ZNF211: variants seen among roughly 807,000 people sequenced by gnomAD.
The protein encoded by ZNF211 is zinc finger protein 211.
Under a neutral mutation model 12.1 loss-of-function variants are expected in ZNF211, and 18 were observed. The observed-to-expected ratio is 1.48, with a 90% confidence interval of 1.03 to 2.20. The LOEUF is 2.20. Among genes scored for constraint, ZNF211 ranks in the 30% most tolerant of loss-of-function variants. ZNF211 has a pLI of 0.00. For missense variants in ZNF211, 677 were observed against 703.1 expected (o/e 0.96, Z 0.42); for synonymous variants, 249 against 246.0 (o/e 1.01, Z -0.11).
In ZNF211 at chr19:57,642,081, C is replaced by T. The variant is rs149154202; in HGVS notation, c.1634C>T (p.Thr545Met). The change falls in exon 4 of 4, where the codon ACG (threonine) becomes ATG (methionine). Residue 545 changes from threonine to methionine, a missense_variant. By Grantham distance (81) the Thr-to-Met change is moderately conservative. Coordinates refer to ENST00000240731, the MANE Select transcript of ZNF211 (RefSeq NM_006385.5). ...SSLIQHRRVH[T>M]GKRPYQCSQC... ...CTCATTCAACACCGCAGAGTTCACA[C>T]GGGAAAAAGGCCTTATCAGTGCAGT... is the stretch of plus-strand genomic sequence containing the variant. 933 of 1,614,102 alleles carry T rather than the reference C, an allele frequency of 5.8e-4. No homozygotes were observed. Among genetic ancestry groups the T allele is most frequent in the Non-Finnish European group, 7.6e-4 (891 of 1,179,960 alleles).
In ZNF211 at chr19:57,641,557, G is replaced by A. The variant is rs1418686100; in HGVS notation, c.1110G>A (p.Met370Ile). 4 of 1,613,468 alleles carry A rather than the reference G, an allele frequency of 2.5e-6. No individual in the cohort carries two copies. The South Asian group carries it at 3.3e-5, about 13-fold the overall frequency. Residue 370 changes from methionine to isoleucine, a missense_variant, in exon 4 of 4, where the codon ATG becomes ATA. Coordinates refer to ENST00000240731, the MANE Select transcript of ZNF211 (RefSeq NM_006385.5). ...CTTTTAGCCAAAGGTCCAACCTCATGCAGCATCGCAGAGTTCACACTGGAG... is the reference window on the plus strand; with the variant it reads ...CTTTTAGCCAAAGGTCCAACCTCATACAGCATCGCAGAGTTCACACTGGAG... Reference protein sequence around the residue: ...GKSFSQRSNLMQHRRVHTGER... With the variant: ...GKSFSQRSNLIQHRRVHTGER...
Position 57,641,119 on chromosome 19 carries a change from G to C in ZNF211, c.672G>C (p.Lys224Asn). 6.2e-7 allele frequency: 1 copy of C among 1,614,192 alleles called. No homozygotes were observed. The highest frequency in any genetic ancestry group is 8.5e-7 in the Non-Finnish European group (1 of 1,180,032). ...LHQDATQTGE[K>N]PNNSNKCAVA... is the part of the protein sequence containing the mutation. ...AAGACGCCACTCAAACAGGGGAGAA[G>C]CCAAATAACAGTAACAAGTGTGCGG... Residue 224 changes from lysine (K) to asparagine (N), a missense_variant, in exon 4 of 4, where the codon AAG (lysine) becomes AAC (asparagine). Physicochemically the swap from Lys to Asn is moderately conservative, Grantham distance 94. Transcript: ENST00000240731.
In ZNF211 at chr19:57,641,199, T is replaced by A. The variant is rs142937348; in HGVS notation, c.752T>A (p.Phe251Tyr). 56 of 1,614,028 alleles carry A rather than the reference T, an allele frequency of 3.5e-5. No homozygotes were observed. The highest frequency in any genetic ancestry group is 4.7e-5 in the Non-Finnish European group (56 of 1,180,018). Residue 251 changes from phenylalanine to tyrosine, a missense_variant, in exon 4 of 4, where the codon TTT becomes TAT. By Grantham distance (22) the Phe-to-Tyr change is conservative. Transcript: ENST00000240731. ...AACTGGGGAAAATGCAGTAAAGCCT[T>A]TAGCCACATAGACACACTTGTTCAG... ...HHNWGKCSKA[F>Y]SHIDTLVQDQ...
chr19:57,639,390 TGTCA>T (rs1272962103), intron 3 of ZNF211, among the ~76,000 whole-genome samples: 1 of 132,062 alleles, frequency 7.6e-6, no homozygotes, highest in Non-Finnish European at 1.6e-5. Flanking sequence ...AAACTTCCCT[TGTCA>T]TTTCCTTTAT....
At chr19:57,634,604 GT>G in intron 2 of ZNF211, 24 bp from the exon 3 acceptor site, 1 of 1,528,394 alleles carries the variant, frequency 6.5e-7, no homozygotes. Flanking sequence ...ACTGTTCATG[GT>G]TTCATCAATC....
At chr19:57,639,355 CTTT>C (rs541121788) in intron 3 of ZNF211, among the ~76,000 whole-genome samples, 2 of 34,806 alleles carry the variant, frequency 5.7e-5, no homozygotes, top group African/African-American at 1.2e-4. Flanking sequence ...GTTTGGCTCA[CTTT>C]TTTTTTTTTT....
Position 57,641,742 on chromosome 19 carries a change from AC to A in ZNF211, c.1296del (p.His432GlnfsTer82). 5 of 1,614,184 alleles carry A rather than the reference AC, an allele frequency of 3.1e-6. No individual in the cohort carries two copies. The highest frequency in any genetic ancestry group is 4.2e-6 in the Non-Finnish European group (5 of 1,180,032). The stretch of plus-strand genomic sequence containing the variant: ...AGCCTCATTCACCACCGGAGACTTC[AC>A]ACTGGAGAAAGACCCTATGAGTGCA... The part of the protein sequence containing the change: ...SSSLIHHRRL[H>X]TGERPYECSK... On this transcript the variant is annotated frameshift_variant, in exon 4 of 4. Coordinates refer to ENST00000240731, the MANE Select transcript of ZNF211 (RefSeq NM_006385.5). LOFTEE classifies it low-confidence loss of function (END_TRUNC).
Position 57,643,852 on chromosome 19 carries a change from CT to C in ZNF211, c.*1678del. 6.6e-6 allele frequency among the ~76,000 whole-genome samples: 1 copy of C among 152,110 alleles called. No individual in the cohort carries two copies. The highest frequency in any genetic ancestry group is 2.4e-5 in the African/African-American group (1 of 41,500). On this transcript the variant is annotated 3_prime_UTR_variant, in exon 4 of 4. Transcript: ENST00000240731. ...ATATATGATTTTATTAATAAAATGT[CT>C]TTTTTTCCAGTTTCATTCATGATGC...
At chr19:57,633,740 C>G (rs1246891313) in intron 1 of ZNF211, 1 of 1,533,630 alleles carries the variant, frequency 6.5e-7, no homozygotes, top group South Asian at 1.2e-5. Flanking sequence ...AGAGCTTGCG[C>G]AAACGAGAGA....
chr19:57,633,231 TC>T lies in ZNF211; in HGVS notation c.-115del. 9.2e-7 allele frequency: 1 copy of T among 1,082,596 alleles called. No homozygotes were observed. Among genetic ancestry groups the T allele is most frequent in the African/African-American group, 1.6e-5 (1 of 61,262 alleles). The allele number at this position is 1,082,596 out of a possible 1,614,324, so 67.1% of individuals were successfully genotyped here. ...GCTGCCCTCCCGGAGGTCCGTTCTGTCTGTCAGCCGCTTTGGTACGCTGCAT... is the reference window on the plus strand; with the variant it reads ...GCTGCCCTCCCGGAGGTCCGTTCTGTTGTCAGCCGCTTTGGTACGCTGCAT... On this transcript the variant is annotated 5_prime_UTR_variant, in exon 1 of 4. Coordinates refer to ENST00000240731, the MANE Select transcript of ZNF211 (RefSeq NM_006385.5).
At chr19:57,639,408 C>CTTT (rs55696059) in intron 3 of ZNF211, among the ~76,000 whole-genome samples, 6 of 20,764 alleles carry the variant, frequency 2.9e-4, no homozygotes, top group Admixed American at 8.1e-4. Context: ...CCTTTATGTA[C>CTTT]TTTTTTTTTT....
chr19:57,633,818 G>A lies in ZNF211; in HGVS notation c.91-205G>A, dbSNP rs749501528. The A allele has an allele frequency of 6.3e-6, 10 of 1,579,416 alleles. No homozygotes were observed. In the African/African-American group the frequency reaches 1.3e-4, roughly 21 times the overall value. ...AGTGGAAGAAAAGACTTTAGAGATG[G>A]ATGAGGACGTTGAGGCAGAGGGAGG... is the stretch of plus-strand genomic sequence containing the variant. On this transcript the variant is annotated intron_variant, in intron 1 of 3. Coordinates refer to ENST00000240731, the MANE Select transcript of ZNF211 (RefSeq NM_006385.5).
Position 57,633,269 on chromosome 19 carries a change from T to G in ZNF211, c.-78T>G, listed in dbSNP as rs1981650237. The G allele has an allele frequency of 7.5e-7, 1 of 1,341,780 alleles. No homozygotes were observed. Among genetic ancestry groups the G allele is most frequent in the East Asian group, 2.7e-5 (1 of 37,556 alleles). 83.1% of individuals were successfully genotyped at this position (1,341,780 alleles called of 1,614,324 possible). A position where few individuals can be genotyped will look rare whatever the true frequency, so the allele number is the denominator to read the frequency against. ...TTGGTACGCTGCATCGGGATCGAAG[T>G]GACGGACCGTGAAGGCGCGAGAGTC... On this transcript the variant is annotated 5_prime_UTR_variant, in exon 1 of 4. Coordinates refer to ENST00000240731, the MANE Select transcript of ZNF211 (RefSeq NM_006385.5).
rs763916378 is a variant in ZNF211 at position 57,641,195 on chromosome 19, G to A, written c.748G>A (p.Ala250Thr). 4 of 1,614,194 alleles carry A rather than the reference G, an allele frequency of 2.5e-6. No individual in the cohort carries two copies. Among genetic ancestry groups the A allele is most frequent in the Non-Finnish European group, 3.4e-6 (4 of 1,180,028 alleles). ...TCACAACTGGGGAAAATGCAGTAAA[G>A]CCTTTAGCCACATAGACACACTTGT... ...SHHNWGKCSK[A>T]FSHIDTLVQD... Residue 250 changes from alanine to threonine, a missense_variant, in exon 4 of 4, where the codon GCC (alanine) becomes ACC (threonine). Transcript: ENST00000240731.
intron 2 of ZNF211, chr19:57,634,269 A>C (rs969466897): frequency 5.6e-6 from 3 of 535,868 alleles, no homozygotes; most frequent in Non-Finnish European, 6.2e-6. Context: ...GATGGGTGAA[A>C]ATTTATGATA....
In ZNF211 at chr19:57,642,126, G is replaced by T; in HGVS notation, c.1679G>T (p.Gly560Val). ...TGCAGTCAATGTGGGAAATCCTTTGGCTGCAAATCTGTCCTCATTCAACAC... is the reference window on the plus strand; with the variant it reads ...TGCAGTCAATGTGGGAAATCCTTTGTCTGCAAATCTGTCCTCATTCAACAC... ...YQCSQCGKSF[G>V]CKSVLIQHQR... is the part of the protein sequence containing the mutation. Residue 560 changes from glycine (G) to valine (V), a missense_variant, in exon 4 of 4, where the codon GGC (glycine) becomes GTC (valine). By Grantham distance (109) the Gly-to-Val change is moderately radical. Transcript: ENST00000240731. 6.2e-7 allele frequency: 1 copy of T among 1,613,944 alleles called. No homozygotes were observed. The highest frequency in any genetic ancestry group is 1.7e-4 in the Middle Eastern group (1 of 6,060).
At chr19:57,639,820 CA>C (rs1484678425) in intron 3 of ZNF211, 3 of 1,313,120 alleles carry the variant, frequency 2.3e-6, no homozygotes, top group Non-Finnish European at 3.0e-6. Context: ...TGAATTTATA[CA>C]AACTTAACTT....
chr19:57,634,149 T>A, intron 2 of ZNF211, 88 bp downstream of exon 2: 2 of 1,400,690 alleles, frequency 1.4e-6, no homozygotes, highest in Non-Finnish European at 1.9e-6. Flanking sequence ...TGTGGTGTCA[T>A]GGGACTCACC....
intron 2 of ZNF211, 65 bp downstream of exon 2, chr19:57,634,126 T>G: frequency 6.7e-7 from 1 of 1,483,374 alleles, no homozygotes; most frequent in Non-Finnish European, 9.0e-7. Flanking sequence ...CAGACAGATA[T>G]TTTCTTTAGA....
Sources: allele counts gnomAD v4.1 joint callset (sites outside exome capture counted in the v4.1 genomes callset), GRCh38; gene constraint gnomAD v4.1.1; transcripts MANE v1.5; gene names NCBI Gene and HGNC (gene_info 2026-07-23, HGNC 2026-07-21).